Variants in DLC1 observed in about 807,000 individuals in gnomAD.
DLC1 encodes the protein rho GTPase-activating protein 7.
Under a neutral mutation model 140.3 loss-of-function variants are expected in DLC1, and 54 were observed. That is an observed-to-expected ratio of 0.38 (90% CI 0.31 to 0.48). The LOEUF (loss-of-function observed/expected upper bound fraction) is 0.48. Among genes scored for constraint, DLC1 ranks in the 20% least tolerant of loss-of-function variants. The probability of loss-of-function intolerance (pLI) is 0.96; values close to 1 mark genes in which losing one functional copy is unlikely to be tolerated. For synonymous variants in DLC1, 986 were observed against 728.1 expected, an observed-to-expected ratio of 1.35 and a Z score of -5.70; for missense variants, 2,536 against 1,907.0, an observed-to-expected ratio of 1.33 and a Z score of -6.14.
chr8:13,328,077 C>T (rs1265767581), intron 4 of DLC1, among the ~76,000 whole-genome samples: 1 of 152,122 alleles, frequency 6.6e-6, no homozygotes, highest in Non-Finnish European at 1.5e-5. Context: ...AAAGGGAGCA[C>T]AAGATGATGC....
chr8:13,344,951 A>G (rs1293253120), intron 4 of DLC1, among the ~76,000 whole-genome samples: 1 of 152,176 alleles, frequency 6.6e-6, no homozygotes, highest in Non-Finnish European at 1.5e-5. Flanking sequence ...AAATTGGATA[A>G]TGAGGGGATA....
rs145739010 is a variant in DLC1, at chr8:13,594,478, G to A, written c.-126+10059C>T. ...TATTGGATTCTCCCACATTGCTTTC[G>A]TCTCTTTTCCTTCCTCTGCATTCTG... On this transcript the variant is annotated intron_variant, in intron 1 of 1. Coordinates refer to the DLC1 transcript ENST00000631382. Among the ~76,000 whole-genome samples the A allele has an allele frequency of 3.2e-4, 48 of 151,966 alleles. No homozygotes were observed. The East Asian group carries it at 4.3e-3, about 14-fold the overall frequency.
At chr8:13,120,767 T>C (rs2128954953) in intron 5 of DLC1, among the ~76,000 whole-genome samples, 1 of 152,258 alleles carries the variant, frequency 6.6e-6, no homozygotes, top group Middle Eastern at 3.4e-3. Flanking sequence ...GTTCTGGACA[T>C]TAGATGGATG....
At position 13,088,379 on chromosome 8, in the gene DLC1, C is replaced by T. The variant is rs375224216; in HGVS notation, c.4292+108G>A. On this transcript the variant is annotated intron_variant, in intron 16 of 17. Coordinates refer to ENST00000276297, the MANE Select transcript of DLC1 (RefSeq NM_182643.3). The stretch of plus-strand genomic sequence containing the variant: ...TTACAGGTGTGAGCCACCATATGCC[C>T]GGCCTCTACTTTAAATAATTATACC... 184 of 1,296,996 alleles carry T rather than the reference C, an allele frequency of 1.4e-4. 1 individual carries two copies. Among genetic ancestry groups the T allele is most frequent in the African/African-American group, 1.1e-3 (72 of 67,326 alleles). The allele number at this position is 1,296,996 out of a possible 1,614,324, so 80.3% of individuals were successfully genotyped here.
chr8:13,597,619 T>C (rs941234798), intron 1 of DLC1, among the ~76,000 whole-genome samples: 4 of 152,038 alleles, frequency 2.6e-5, no homozygotes, highest in East Asian at 1.9e-4. Flanking sequence ...GTATATATCA[T>C]GGAGGATAAA....
At chr8:13,545,931 A>G (rs981199329) in intron 1 of DLC1, among the ~76,000 whole-genome samples, 2 of 152,072 alleles carry the variant, frequency 1.3e-5, no homozygotes, top group African/African-American at 4.8e-5. Context: ...GCAGCCTTAA[A>G]CATATTACTA....
chr8:13,542,645 A>G (rs776402070), intron 1 of DLC1, among the ~76,000 whole-genome samples: 4 of 152,100 alleles, frequency 2.6e-5, no homozygotes, highest in Non-Finnish European at 4.4e-5. Flanking sequence ...CTACACATTT[A>G]TTTAGATCTT....
intron 5 of DLC1, among the ~76,000 whole-genome samples, chr8:13,242,964 A>C (rs1829604989): frequency 6.6e-6 from 1 of 152,008 alleles, no homozygotes; most frequent in Admixed American, 6.6e-5. Context: ...TGATTGGATC[A>C]TGGGGTGGAT....
At chr8:13,448,282 C>T (rs184790395) in intron 2 of DLC1, among the ~76,000 whole-genome samples, 182 of 152,084 alleles carry the variant, frequency 1.2e-3, no homozygotes, top group African/African-American at 4.3e-3. Context: ...AGTATATATT[C>T]GAGCAATAGT....
At chr8:13,448,482 C>T (rs569750678) in intron 2 of DLC1, among the ~76,000 whole-genome samples, 7 of 152,066 alleles carry the variant, frequency 4.6e-5, no homozygotes, top group Admixed American at 3.3e-4. Context: ...CCTGCCTCAA[C>T]CTCTCAAGTA....
chr8:13,300,745 C>T (rs1210457666), intron 5 of DLC1, among the ~76,000 whole-genome samples: 1 of 152,136 alleles, frequency 6.6e-6, no homozygotes, highest in African/African-American at 2.4e-5. Flanking sequence ...GACAAATGGC[C>T]AGCCAGGACA....
intron 2 of DLC1, among the ~76,000 whole-genome samples, chr8:13,443,356 A>C (rs1798625748): frequency 6.6e-6 from 1 of 151,478 alleles, no homozygotes. Context: ...AAAAAAAAAA[A>C]AAAAAAAAAC....
rs778341976 is a variant in DLC1, at chr8:13,325,706, C to A, written c.1315-20404G>T. ...CAGAATAAAGAACGTTCGGCATTAT[C>A]ACTGATTAAGTTCAGGAGAGAATAT... On this transcript the variant is annotated intron_variant, in intron 4 of 17. Coordinates refer to ENST00000276297, the MANE Select transcript of DLC1 (RefSeq NM_182643.3). Among the ~76,000 whole-genome samples, 6 of 152,254 alleles carry A rather than the reference C, an allele frequency of 3.9e-5. No individual in the cohort carries two copies. The South Asian group carries it at 1.2e-3, about 32-fold the overall frequency.
At position 13,173,437 on chromosome 8, in the gene DLC1, T is replaced by A. The variant is rs1380734665; in HGVS notation, c.1349-57780A>T. 4.2e-5 allele frequency among the ~76,000 whole-genome samples: 6 copies of A among 143,644 alleles called. No homozygotes were observed. The East Asian group carries it at 1.4e-3, about 33-fold the overall frequency. 94.2% of individuals were successfully genotyped at this position (143,644 alleles called of 152,430 possible). A position where few individuals can be genotyped will look rare whatever the true frequency, so the allele number is the denominator to read the frequency against. ...TCCAGGCTGGAGCGCAGTGGCGCGA[T>A]CTCGGCTCACTGCAAACTCCGCCTC... On this transcript the variant is annotated intron_variant, in intron 5 of 17. Transcript: ENST00000276297.
intron 2 of DLC1, among the ~76,000 whole-genome samples, chr8:13,461,555 A>G (rs1230805759): frequency 6.6e-6 from 1 of 152,190 alleles, no homozygotes; most frequent in South Asian, 2.1e-4. Flanking sequence ...GTAGTTTTTA[A>G]TAATGATGAT....
At chr8:13,197,939 A>G (rs1827162485) in intron 5 of DLC1, among the ~76,000 whole-genome samples, 1 of 152,098 alleles carries the variant, frequency 6.6e-6, no homozygotes, top group African/African-American at 2.4e-5. Context: ...CTAAGAATGA[A>G]GTATTTCATT....
At chr8:13,492,446 A>G (rs1029210193) in intron 2 of DLC1, among the ~76,000 whole-genome samples, 1 of 136,764 alleles carries the variant, frequency 7.3e-6, no homozygotes, top group Non-Finnish European at 1.6e-5. Flanking sequence ...GACCAGTGCT[A>G]TTTTTGGTAT....
rs201984211 is a variant in DLC1 at position 13,099,771 on chromosome 8, T to A, written c.2566A>T (p.Ser856Cys). Residue 856 changes from serine to cysteine, a missense_variant, in exon 9 of 18, where the codon AGT becomes TGT. Transcript: ENST00000276297. Reference protein sequence around the residue: ...PGHISLRRENSSDSPKELKRR... With the variant: ...PGHISLRRENCSDSPKELKRR... ...TTCAGTTCCTTGGGGCTGTCGCTAC[T>A]GTTTTCCCTCCTGAGGCTGATGTGG... is the stretch of plus-strand genomic sequence containing the variant. The A allele has an allele frequency of 6.2e-7, 1 of 1,614,046 alleles. No individual in the cohort carries two copies. Among genetic ancestry groups the A allele is most frequent in the Middle Eastern group, 1.6e-4 (1 of 6,084 alleles).
At chr8:13,374,801 A>T (rs1478843903) in intron 4 of DLC1, among the ~76,000 whole-genome samples, 1 of 152,050 alleles carries the variant, frequency 6.6e-6, no homozygotes, top group African/African-American at 2.4e-5. Context: ...GGCCATTTTC[A>T]CGATATTGAT....
Sources: gnomAD v4.1 joint callset for allele counts (sites outside exome capture counted in the v4.1 genomes callset) on GRCh38, gnomAD v4.1.1 for gene constraint, MANE v1.5 for transcripts, NCBI Gene and HGNC (gene_info 2026-07-23, HGNC 2026-07-21) for gene names.